GPBP1L1: variants seen among roughly 807,000 people sequenced by gnomAD.
The protein encoded by GPBP1L1 is vasculin-like protein 1.
In GPBP1L1, 23 loss-of-function variants were observed where a neutral mutation model predicts 52.5. The observed-to-expected ratio is 0.44, with a 90% CI of 0.32 to 0.62. The LOEUF (loss-of-function observed/expected upper bound fraction) is 0.62, where lower values mean the gene tolerates loss of function less well. GPBP1L1 is among the 20% of genes least tolerant of loss of function. GPBP1L1 has a pLI of 0.06. For missense variants in GPBP1L1, 596 were observed against 579.3 expected (o/e 1.03, Z -0.30); for synonymous variants, 243 against 203.1 (o/e 1.20, Z -1.67).
At chr1:45,672,592 G>T (rs1308808505) in intron 2 of GPBP1L1, among the ~76,000 whole-genome samples, 3 of 152,132 alleles carry the variant, frequency 2.0e-5, no homozygotes, top group Non-Finnish European at 4.4e-5. Flanking sequence ...TAAGTAGATA[G>T]CTGGATAAGA....
intron 2 of GPBP1L1, among the ~76,000 whole-genome samples, chr1:45,674,507 T>C (rs1200648492): frequency 6.6e-6 from 1 of 152,228 alleles, no homozygotes; most frequent in Non-Finnish European, 1.5e-5. Context: ...AGATGGTCCC[T>C]AACTTAGGAC....
intron 8 of GPBP1L1, among the ~76,000 whole-genome samples, chr1:45,638,420 G>A (rs1644624095): frequency 6.6e-6 from 1 of 152,040 alleles, no homozygotes; most frequent in Non-Finnish European, 1.5e-5. Flanking sequence ...TAATCACTAA[G>A]GTTTTTTCTC....
rs1644471262 is a variant in GPBP1L1, at chr1:45,627,605, A to C, written c.*651T>G. 6.6e-6 allele frequency: 1 copy of C among 152,612 alleles called. No individual in the cohort carries two copies. The highest frequency in any genetic ancestry group is 1.5e-5 in the Non-Finnish European group (1 of 68,036). The allele number at this position is 152,612 out of a possible 1,614,324, so 9.5% of individuals were successfully genotyped here. ...TAAATAATGTTATCAAAATAATCTTAATCTTTGAAATCTCACAAAAATTTA... is the reference window on the plus strand; with the variant it reads ...TAAATAATGTTATCAAAATAATCTTCATCTTTGAAATCTCACAAAAATTTA... On this transcript the variant is annotated 3_prime_UTR_variant, in exon 13 of 13. Transcript: ENST00000355105.
chr1:45,637,730 A>G (rs991304083), intron 8 of GPBP1L1, among the ~76,000 whole-genome samples: 3 of 152,160 alleles, frequency 2.0e-5, no homozygotes, highest in South Asian at 4.1e-4. Context: ...CAGACATCTT[A>G]AAGTAACACT....
rs1195386744 is a variant in GPBP1L1 at position 45,659,079 on chromosome 1, C to T, written c.9G>A (p.Gln3=). MA[Q]HDFVPAWLNF... The stretch of plus-strand genomic sequence containing the variant: ...TTAGCCAAGCAGGAACAAAATCATG[C>T]TGCGCCATTTAGGTCCAGTGTCTCC... The change falls in exon 4 of 13, where the codon CAG becomes CAA. Residue 3 remains glutamine (Q), a synonymous_variant. Coordinates refer to ENST00000355105, the MANE Select transcript of GPBP1L1 (RefSeq NM_021639.5). 2.5e-6 allele frequency: 4 copies of T among 1,614,012 alleles called. No homozygotes were observed. Among genetic ancestry groups the T allele is most frequent in the South Asian group, 1.1e-5 (1 of 91,082 alleles).
chr1:45,674,584 C>T (rs945355359), intron 2 of GPBP1L1, among the ~76,000 whole-genome samples: 8 of 152,150 alleles, frequency 5.3e-5, no homozygotes, highest in African/African-American at 1.7e-4. Context: ...CAACAGAAAC[C>T]ATACTTTGAA....
intron 2 of GPBP1L1, among the ~76,000 whole-genome samples, chr1:45,666,398 G>C (rs1257844390): frequency 1.3e-5 from 2 of 152,024 alleles, no homozygotes; most frequent in Non-Finnish European, 2.9e-5. Context: ...CGCCCGCCTC[G>C]GCCTCCCAAA....
At chr1:45,651,439 C>T (rs1459642910) in intron 6 of GPBP1L1, 3 of 420,554 alleles carry the variant, frequency 7.1e-6, no homozygotes, top group East Asian at 1.1e-4. Flanking sequence ...TGGTCTCTTA[C>T]TGGGGACATC....
At chr1:45,657,414 T>C (rs1325667726) in intron 4 of GPBP1L1, among the ~76,000 whole-genome samples, 3 of 152,134 alleles carry the variant, frequency 2.0e-5, no homozygotes, top group Non-Finnish European at 2.9e-5. Flanking sequence ...TGTGCGCCTG[T>C]AATCCCAGCT....
chr1:45,665,756 A>G (rs1022004900), intron 2 of GPBP1L1, among the ~76,000 whole-genome samples: 45 of 151,614 alleles, frequency 3.0e-4, no homozygotes, highest in African/African-American at 1.1e-3. Flanking sequence ...AAAAAAAAAA[A>G]AAAAAAAAAA....
chr1:45,674,362 C>T (rs1243727108), intron 2 of GPBP1L1, among the ~76,000 whole-genome samples: 1 of 152,082 alleles, frequency 6.6e-6, no homozygotes, highest in Non-Finnish European at 1.5e-5. Flanking sequence ...GAAAAAGGAA[C>T]AACTCACCTT....
intron 9 of GPBP1L1, 29 bp downstream of exon 9, chr1:45,634,067 A>G (rs1644564118): frequency 1.3e-6 from 2 of 1,564,778 alleles, no homozygotes; most frequent in Non-Finnish European, 1.7e-6. Flanking sequence ...CAATTTCAGA[A>G]AAGACTGTCC....
In GPBP1L1 at chr1:45,659,067, A is replaced by G. The variant is rs756147242; in HGVS notation, c.21T>C (p.Val7=). Residue 7 remains valine (V), a synonymous_variant, in exon 4 of 13, where the codon GTT becomes GTC. Coordinates refer to ENST00000355105, the MANE Select transcript of GPBP1L1 (RefSeq NM_021639.5). MAQHDF[V]PAWLNFSTPQ... ...GTGTTGAGAAATTTAGCCAAGCAGG[A>G]ACAAAATCATGCTGCGCCATTTAGG... 7.2e-5 allele frequency: 116 copies of G among 1,613,992 alleles called. No homozygotes were observed. The highest frequency in any genetic ancestry group is 9.1e-5 in the Non-Finnish European group (107 of 1,179,956).
At chr1:45,634,509 G>A (rs6699418) in intron 8 of GPBP1L1, 91,694 of 290,680 alleles carry the variant, frequency 0.32, 14,724 homozygotes, top group South Asian at 0.37. Flanking sequence ...GGGAGGTGCC[G>A]GGGTGAAAAA....
chr1:45,646,005 G>GT, intron 6 of GPBP1L1: 1 of 507,404 alleles, frequency 2.0e-6, no homozygotes, highest in East Asian at 5.5e-5. Flanking sequence ...TAGCCTGCCT[G>GT]TGAGGTTCAC....
Position 45,679,082 on chromosome 1 carries a change from C to T in GPBP1L1, c.-1098+6494G>A, listed in dbSNP as rs921604595. ...GTAATAATAAAAAGAAAGAATGACACGGAGAGTTTTAATAAACCACTGATG... is the reference window on the plus strand; with the variant it reads ...GTAATAATAAAAAGAAAGAATGACATGGAGAGTTTTAATAAACCACTGATG... On this transcript the variant is annotated intron_variant, in intron 2 of 12. Transcript: ENST00000355105. Among the ~76,000 whole-genome samples the T allele has an allele frequency of 2.1e-4, 32 of 152,198 alleles. 1 individual carries two copies. Among genetic ancestry groups the T allele is most frequent in the African/African-American group, 6.5e-4 (27 of 41,528 alleles).
chr1:45,676,488 C>T (rs746786873), intron 2 of GPBP1L1, among the ~76,000 whole-genome samples: 1 of 151,910 alleles, frequency 6.6e-6, no homozygotes, highest in East Asian at 1.9e-4. Context: ...GTGGGAGGAT[C>T]ACCTGAGGTC....
chr1:45,643,687 T>TTTTG (rs796900170), intron 6 of GPBP1L1, among the ~76,000 whole-genome samples: 2 of 116,822 alleles, frequency 1.7e-5, no homozygotes, highest in African/African-American at 3.2e-5. Context: ...TTTTTTTTTT[T>TTTTG]GTGACAGAGT....
chr1:45,658,236 T>C (rs1195272516), intron 4 of GPBP1L1, among the ~76,000 whole-genome samples: 1 of 152,226 alleles, frequency 6.6e-6, no homozygotes, highest in East Asian at 1.9e-4. Flanking sequence ...ATCCATGTAG[T>C]AGTTGAACAA....
Sources: gnomAD v4.1 joint callset for allele counts (sites outside exome capture counted in the v4.1 genomes callset) on GRCh38, gnomAD v4.1.1 for gene constraint, MANE v1.5 for transcripts, NCBI Gene and HGNC (gene_info 2026-07-23, HGNC 2026-07-21) for gene names.